The following VWC2 variants were observed in gnomAD, a reference collection of about 807,000 sequenced individuals.
VWC2 encodes the protein von Willebrand factor C domain containing 2, also known as brorin.
A neutral mutation model predicts 29.8 loss-of-function variants in VWC2; 14 were observed. The observed-to-expected ratio is 0.47, with a 90% CI of 0.31 to 0.74. The LOEUF (loss-of-function observed/expected upper bound fraction) is 0.74. Ranked by LOEUF, VWC2 falls within the 30% of genes least tolerant of loss-of-function variation. The pLI is 0.05. For missense variants in VWC2, 457 were observed against 459.8 expected (o/e 0.99, Z 0.05); for synonymous variants, 213 against 199.0 (o/e 1.07, Z -0.59).
At position 49,915,291 on chromosome 7, in the gene VWC2, C is replaced by A. The variant is rs924519448; in HGVS notation, c.*3106C>A. 2 of 152,164 alleles carry A rather than the reference C, an allele frequency of 1.3e-5. No individual in the cohort carries two copies. Among genetic ancestry groups the A allele is most frequent in the Non-Finnish European group, 2.9e-5 (2 of 68,022 alleles). The allele number at this position is 152,164 out of a possible 1,614,324, so 9.4% of individuals were successfully genotyped here. A position where few individuals can be genotyped will look rare whatever the true frequency, so the allele number is the denominator to read the frequency against. On this transcript the variant is annotated 3_prime_UTR_variant, in exon 4 of 4. Transcript: ENST00000340652. ...GTTGCAGCTAGTGCAGATGGAGAGG[C>A]ACAGTGTCCTTGACATCAAGGGGTC...
intron 3 of VWC2, among the ~76,000 whole-genome samples, chr7:49,837,320 C>T (rs1244337827): frequency 2.0e-5 from 3 of 152,150 alleles, no homozygotes; most frequent in Admixed American, 1.3e-4. Flanking sequence ...AGAGTAATTG[C>T]TGAAAATTGT....
intron 2 of VWC2, among the ~76,000 whole-genome samples, chr7:49,788,655 G>T (rs1454782793): frequency 6.7e-6 from 1 of 150,006 alleles, no homozygotes; most frequent in Admixed American, 6.6e-5. Flanking sequence ...GAGTGTGGAT[G>T]TGTGGGTATG....
At chr7:49,868,459 T>C (rs147371708) in intron 3 of VWC2, among the ~76,000 whole-genome samples, 1 of 152,344 alleles carries the variant, frequency 6.6e-6, no homozygotes, top group East Asian at 1.9e-4. Context: ...CTGGGGAGTA[T>C]ATGTACTGTA....
chr7:49,825,135 T>G (rs894641312), intron 3 of VWC2, among the ~76,000 whole-genome samples: 1 of 152,208 alleles, frequency 6.6e-6, no homozygotes, highest in African/African-American at 2.4e-5. Flanking sequence ...AATCATCTGT[T>G]GAGTTAATTT....
intron 3 of VWC2, among the ~76,000 whole-genome samples, chr7:49,809,532 C>T (rs765496561): frequency 6.6e-5 from 10 of 151,820 alleles, no homozygotes; most frequent in East Asian, 3.8e-4. Flanking sequence ...TTTGTTGTGA[C>T]CACAATGCTG....
At position 49,874,081 on chromosome 7, in the gene VWC2, G is replaced by A. The variant is rs145252061; in HGVS notation, c.827-37953G>A. Among the ~76,000 whole-genome samples, 305 of 152,162 alleles carry A rather than the reference G, an allele frequency of 2.0e-3. 1 individual carries two copies. The highest frequency in any genetic ancestry group is 7.1e-3 in the African/African-American group (294 of 41,510). ...TTTGCTAGTGGCTTTCCCTGAGGAA[G>A]GAGTAAGGACGGGACTGGAGTTGGT... On this transcript the variant is annotated intron_variant, in intron 3 of 3. Coordinates refer to ENST00000340652, the MANE Select transcript of VWC2 (RefSeq NM_198570.5).
Position 49,776,004 on chromosome 7 carries a change from C to T in VWC2, c.569C>T (p.Pro190Leu), listed in dbSNP as rs755071940. Reference protein sequence around the residue: ...CTEEGPLCAQPECPRLHPRCI... With the variant: ...CTEEGPLCAQLECPRLHPRCI... ...GAGGAGGGGCCGCTGTGCGCGCAGC[C>T]CGAGTGCCCGAGGCTGCACCCGCGC... The change falls in exon 2 of 4, where the codon CCC (proline) becomes CTC (leucine). Residue 190 changes from proline to leucine, a missense_variant. Around this residue, in one of 2 missense-constraint regions of VWC2, gnomAD observed 185 missense variants for 257.1 expected, o/e 0.72. Coordinates refer to ENST00000340652, the MANE Select transcript of VWC2 (RefSeq NM_198570.5). 3.9e-6 allele frequency: 6 copies of T among 1,544,170 alleles called. No individual in the cohort carries two copies. The African/African-American group carries it at 8.2e-5, about 21-fold the overall frequency.
intron 3 of VWC2, among the ~76,000 whole-genome samples, chr7:49,879,765 G>C (rs1317318762): frequency 6.6e-6 from 1 of 151,958 alleles, no homozygotes; most frequent in Non-Finnish European, 1.5e-5. Flanking sequence ...TAGGCCCTTT[G>C]CTATCTTGGC....
intron 2 of VWC2, among the ~76,000 whole-genome samples, chr7:49,789,320 G>GGTGTGTGTGTAGGT (rs77380170): frequency 6.8e-6 from 1 of 146,040 alleles, no homozygotes; most frequent in African/African-American, 2.6e-5. Context: ...TGTGGGTGTA[G>GGTGTGTGTGTAGGT]GTGTGTGTGG....
chr7:49,841,021 A>G lies in VWC2; in HGVS notation c.826+38181A>G, dbSNP rs540613615. On this transcript the variant is annotated intron_variant, in intron 3 of 3. Coordinates refer to ENST00000340652, the MANE Select transcript of VWC2 (RefSeq NM_198570.5). Reference sequence around the variant, plus strand: ...AATACCTTTTTCAAGATTGGATGCCACTGCAAGGACAGAAAATTGAAATAT... The same window carrying G: ...AATACCTTTTTCAAGATTGGATGCCGCTGCAAGGACAGAAAATTGAAATAT... Among the ~76,000 whole-genome samples the G allele has an allele frequency of 6.6e-5, 10 of 152,338 alleles. No homozygotes were observed. In the South Asian group the frequency reaches 2.1e-3, roughly 32 times the overall value.
intron 3 of VWC2, among the ~76,000 whole-genome samples, chr7:49,868,848 A>G (rs2128722563): frequency 6.6e-6 from 1 of 152,240 alleles, no homozygotes; most frequent in South Asian, 2.1e-4. Flanking sequence ...TGAACTCCTA[A>G]CCTCAAGTGA....
At chr7:49,824,849 TATTTG>T (rs1305058615) in intron 3 of VWC2, among the ~76,000 whole-genome samples, 1 of 152,162 alleles carries the variant, frequency 6.6e-6, no homozygotes, top group African/African-American at 2.4e-5. Context: ...TATAGAAATA[TATTTG>T]ATTTTTATTA....
chr7:49,862,646 T>C (rs1003335014), intron 3 of VWC2, among the ~76,000 whole-genome samples: 2 of 151,644 alleles, frequency 1.3e-5, no homozygotes, highest in Non-Finnish European at 2.9e-5. Flanking sequence ...TCTTCCTACT[T>C]TGATGTGTTT....
chr7:49,792,931 C>T (rs764782339), intron 2 of VWC2, among the ~76,000 whole-genome samples: 94 of 152,190 alleles, frequency 6.2e-4, no homozygotes, highest in Admixed American at 2.2e-3. Context: ...ACCAAGTTTC[C>T]CACGTCTCAT....
intron 3 of VWC2, among the ~76,000 whole-genome samples, chr7:49,850,683 G>A (rs1391530907): frequency 6.6e-6 from 1 of 152,184 alleles, no homozygotes; most frequent in Non-Finnish European, 1.5e-5. Flanking sequence ...CTGGAAAAAA[G>A]CCAGTGTCAG....
intron 3 of VWC2, among the ~76,000 whole-genome samples, chr7:49,851,651 A>T (rs766064623): frequency 7.2e-5 from 11 of 152,182 alleles, no homozygotes; most frequent in Non-Finnish European, 1.0e-4. Context: ...TGAGGTCAGG[A>T]GATCGAGACC....
At chr7:49,852,464 C>G (rs1790219266) in intron 3 of VWC2, among the ~76,000 whole-genome samples, 1 of 152,148 alleles carries the variant, frequency 6.6e-6, no homozygotes, top group Non-Finnish European at 1.5e-5. Context: ...ATGGCCTAGC[C>G]CTTTAGGGAG....
At chr7:49,889,379 A>G (rs919193285) in intron 3 of VWC2, among the ~76,000 whole-genome samples, 2 of 152,264 alleles carry the variant, frequency 1.3e-5, no homozygotes, top group African/African-American at 2.4e-5. Flanking sequence ...ATTTAAACAT[A>G]TCATGGCAAC....
At chr7:49,787,665 C>T (rs576315264) in intron 2 of VWC2, among the ~76,000 whole-genome samples, 1 of 152,342 alleles carries the variant, frequency 6.6e-6, no homozygotes, top group South Asian at 2.1e-4. Context: ...CTGCGTCACA[C>T]ACACAAATGT....
Sources: gnomAD v4.1 joint callset for allele counts (sites outside exome capture counted in the v4.1 genomes callset) on GRCh38, gnomAD v4.1.1 for gene constraint, gnomAD v4.1.1 regional missense constraint, MANE v1.5 for transcripts, NCBI Gene and HGNC (gene_info 2026-07-23, HGNC 2026-07-21) for gene names.